IL18R1: variants seen among roughly 807,000 people sequenced by gnomAD.
IL18R1 encodes interleukin 18 receptor 1.
In IL18R1, 40 loss-of-function variants were observed where a neutral mutation model predicts 48.5. That is an observed-to-expected ratio of 0.82 (90% CI 0.64 to 1.07). The LOEUF (loss-of-function observed/expected upper bound fraction) is 1.07. IL18R1 is among the 50% of genes least tolerant of loss of function. The probability of loss-of-function intolerance (pLI) is 0.00; values close to 1 mark genes in which losing one functional copy is unlikely to be tolerated. For missense variants in IL18R1, 596 were observed against 633.7 expected (o/e 0.94, Z 0.64); for synonymous variants, 232 against 225.9 (o/e 1.03, Z -0.24).
chr2:102,394,246 T>C (rs1367086947), intron 9 of IL18R1, among the ~76,000 whole-genome samples: 1 of 152,158 alleles, frequency 6.6e-6, no homozygotes, highest in Non-Finnish European at 1.5e-5. Context: ...TATATCTCTG[T>C]ATTCTTCTGT....
At chr2:102,374,941 A>G (rs1333925724) in intron 4 of IL18R1, among the ~76,000 whole-genome samples, 1 of 152,208 alleles carries the variant, frequency 6.6e-6, no homozygotes, top group African/African-American at 2.4e-5. Context: ...TAGATAATTG[A>G]TTGGAAAGGA....
rs778597504 is a variant in IL18R1, at chr2:102,362,694, G to A, written c.34G>A (p.Val12Met). The change falls in exon 2 of 11, where the codon GTG (valine) becomes ATG (methionine). Residue 12 changes from valine (V) to methionine (M), a missense_variant. By Grantham distance (21) the Val-to-Met change is conservative (BLOSUM62 1). Around this residue, in one of 3 missense-constraint regions of IL18R1, gnomAD observed 360 missense variants for 339.4 expected, o/e 1.06. Transcript: ENST00000233957. ...NCRELPLTLW[V>M]LISVSTAESC... ...TAGAGAATTACCCTTGACCCTTTGGGTGCTTATATCTGTAAGCACTGCAGG... is the reference window on the plus strand; with the variant it reads ...TAGAGAATTACCCTTGACCCTTTGGATGCTTATATCTGTAAGCACTGCAGG... The A allele has an allele frequency of 1.9e-6, 3 of 1,605,148 alleles. No individual in the cohort carries two copies. The highest frequency in any genetic ancestry group is 8.5e-7 in the Non-Finnish European group (1 of 1,175,396).
intron 9 of IL18R1, among the ~76,000 whole-genome samples, chr2:102,392,786 T>G (rs1680621489): frequency 2.0e-5 from 3 of 152,186 alleles, no homozygotes; most frequent in Non-Finnish European, 2.9e-5. Context: ...AAATATCCAC[T>G]TGAATTATAA....
At position 102,396,779 on chromosome 2, in the gene IL18R1, T is replaced by G; in HGVS notation, c.1519T>G (p.Ser507Ala). Reference sequence around the variant, plus strand: ...GAAGTGGAAGGCCGATAAATCTCTTTCTTATAACTCAAGGTTCTGGAAGAA... The same window carrying G: ...GAAGTGGAAGGCCGATAAATCTCTTGCTTATAACTCAAGGTTCTGGAAGAA... ...VLKWKADKSL[S>A]YNSRFWKNLL... The change falls in exon 11 of 11, where the codon TCT (serine) becomes GCT (alanine). Residue 507 changes from serine (S) to alanine (A), a missense_variant. Coordinates refer to ENST00000233957, the MANE Select transcript of IL18R1 (RefSeq NM_003855.5). 1 of 1,614,126 alleles carries G rather than the reference T, an allele frequency of 6.2e-7. No homozygotes were observed. The highest frequency in any genetic ancestry group is 2.2e-5 in the East Asian group (1 of 44,886).
intron 5 of IL18R1, 152 bp downstream of exon 5, chr2:102,376,215 T>C (rs2270297): frequency 0.75 from 377,705 of 502,108 alleles, 145,114 homozygotes; most frequent in African/African-American, 0.89. Flanking sequence ...ATCTTCATTC[T>C]GGTGCTCCTC....
chr2:102,372,628 T>G (rs1679335539), intron 4 of IL18R1, among the ~76,000 whole-genome samples: 1 of 152,176 alleles, frequency 6.6e-6, no homozygotes, highest in South Asian at 2.1e-4. Context: ...CATCTGCTTT[T>G]TAAAAGTGGT....
In IL18R1 at chr2:102,396,668, A is replaced by G; in HGVS notation, c.1408A>G (p.Lys470Glu). ...LHEALVERKI[K>E]IILIEFTPVT... ...TGAAGCATTGGTGGAAAGAAAAATT[A>G]AAATAATCTTAATTGAATTTACACC... is the stretch of plus-strand genomic sequence containing the variant. Residue 470 changes from lysine to glutamate, a missense_variant, in exon 11 of 11, where the codon AAA becomes GAA. By Grantham distance (56) the Lys-to-Glu change is moderately conservative. Coordinates refer to ENST00000233957, the MANE Select transcript of IL18R1 (RefSeq NM_003855.5). 1 of 1,613,592 alleles carries G rather than the reference A, an allele frequency of 6.2e-7. No individual in the cohort carries two copies.
intron 5 of IL18R1, among the ~76,000 whole-genome samples, chr2:102,377,206 A>T (rs1003932137): frequency 6.6e-6 from 1 of 152,246 alleles, no homozygotes; most frequent in Non-Finnish European, 1.5e-5. Flanking sequence ...ACATGTTGCC[A>T]CAGTAACAAA....
chr2:102,368,183 A>C, intron 3 of IL18R1, 115 bp downstream of exon 3: 1 of 1,145,168 alleles, frequency 8.7e-7, no homozygotes, highest in Non-Finnish European at 1.3e-6. Flanking sequence ...TTTCTTTCCT[A>C]CTCTTCCTAT....
intron 1 of IL18R1, among the ~76,000 whole-genome samples, chr2:102,360,176 T>C (rs1458904406): frequency 6.6e-6 from 1 of 152,216 alleles, no homozygotes; most frequent in Non-Finnish European, 1.5e-5. Flanking sequence ...TAGGTGGCAA[T>C]TAGAATGGTT....
intron 5 of IL18R1, among the ~76,000 whole-genome samples, chr2:102,376,893 A>C (rs1367046743): frequency 6.6e-6 from 1 of 152,188 alleles, no homozygotes; most frequent in Admixed American, 6.5e-5. Context: ...CTGATTGTTG[A>C]AGTCTTTTTT....
At position 102,372,063 on chromosome 2, in the gene IL18R1, T is replaced by C; in HGVS notation, c.413T>C (p.Ile138Thr). The C allele has an allele frequency of 1.9e-6, 3 of 1,609,572 alleles. No homozygotes were observed. The highest frequency in any genetic ancestry group is 2.5e-6 in the Non-Finnish European group (3 of 1,178,386). ...KIVEVKKFFQITCENSYYQTL... is the reference protein window; with the variant it reads ...KIVEVKKFFQTTCENSYYQTL... Reference sequence around the variant, plus strand: ...GTGGAAGTTAAAAAATTTTTTCAGATAACCTGTGAAAACAGTTACTATCAA... The same window carrying C: ...GTGGAAGTTAAAAAATTTTTTCAGACAACCTGTGAAAACAGTTACTATCAA... The change falls in exon 4 of 11, where the codon ATA (isoleucine) becomes ACA (threonine). Residue 138 changes from isoleucine (I) to threonine (T), a missense_variant. Physicochemically the swap from Ile to Thr is moderately conservative, Grantham distance 89 (BLOSUM62 -1). Around this residue, in one of 3 missense-constraint regions of IL18R1, gnomAD observed 360 missense variants for 339.4 expected, o/e 1.06. Transcript: ENST00000233957.
intron 2 of IL18R1, 71 bp downstream of exon 2, chr2:102,362,789 T>TTA (rs1678658141): frequency 1.1e-6 from 1 of 919,462 alleles, no homozygotes. Flanking sequence ...TTTTTTTTTT[T>TTA]ATGTGGTGGC....
chr2:102,387,408 G>A (rs568548143), intron 8 of IL18R1, among the ~76,000 whole-genome samples: 1 of 152,356 alleles, frequency 6.6e-6, no homozygotes, highest in African/African-American at 2.4e-5. Context: ...GCCTGCCTCA[G>A]CAGGGTACCA....
At chr2:102,368,362 C>A (rs1458414464) in intron 3 of IL18R1, among the ~76,000 whole-genome samples, 1 of 152,192 alleles carries the variant, frequency 6.6e-6, no homozygotes, top group African/African-American at 2.4e-5. Flanking sequence ...TTCAGCTGCT[C>A]CTGTTGTCTA....
In IL18R1 at chr2:102,390,144, T is replaced by A; in HGVS notation, c.1038T>A (p.Thr346=). ...LILVAVVCLV[T]VCVIYRVDLV... is the part of the protein sequence containing the mutation. Reference sequence around the variant, plus strand: ...TGGTGGCAGTAGTGTGCCTAGTGACTGTGTGTGTCATTTATAGAGTTGACT... The same window carrying A: ...TGGTGGCAGTAGTGTGCCTAGTGACAGTGTGTGTCATTTATAGAGTTGACT... Residue 346 remains threonine (T), a synonymous_variant, in exon 9 of 11, where the codon ACT becomes ACA. Coordinates refer to ENST00000233957, the MANE Select transcript of IL18R1 (RefSeq NM_003855.5). The A allele has an allele frequency of 6.2e-7, 1 of 1,614,066 alleles. No homozygotes were observed. The highest frequency in any genetic ancestry group is 1.1e-5 in the South Asian group (1 of 91,078).
chr2:102,387,446 C>T (rs1680305021), intron 8 of IL18R1, among the ~76,000 whole-genome samples: 2 of 152,204 alleles, frequency 1.3e-5, no homozygotes. Context: ...TGTGCTCATT[C>T]ATTCATTGCC....
At chr2:102,370,240 G>A (rs755022200) in intron 3 of IL18R1, among the ~76,000 whole-genome samples, 41 of 152,344 alleles carry the variant, frequency 2.7e-4, no homozygotes, top group Non-Finnish European at 4.9e-4. Flanking sequence ...CACATGGAGT[G>A]TCATCAGTCC....
In IL18R1 at chr2:102,398,364, G is replaced by A. The variant is rs573116846; in HGVS notation, c.*1478G>A. The stretch of plus-strand genomic sequence containing the variant: ...TGGTTAGAACATGTGGGAGCAACAT[G>A]AATGTTCTACAAAAGTTTAAAGCAG... On this transcript the variant is annotated 3_prime_UTR_variant, in exon 11 of 11. Coordinates refer to ENST00000233957, the MANE Select transcript of IL18R1 (RefSeq NM_003855.5). The A allele has an allele frequency of 5.9e-5, 9 of 152,470 alleles. No homozygotes were observed. Among genetic ancestry groups the A allele is most frequent in the African/African-American group, 2.2e-4 (9 of 41,564 alleles). The allele number at this position is 152,470 out of a possible 1,614,324, so 9.4% of individuals were successfully genotyped here. A position where few individuals can be genotyped will look rare whatever the true frequency, so the allele number is the denominator to read the frequency against.
Sources: gnomAD v4.1 joint callset for allele counts (sites outside exome capture counted in the v4.1 genomes callset) on GRCh38, gnomAD v4.1.1 for gene constraint, gnomAD v4.1.1 regional missense constraint, MANE v1.5 for transcripts, NCBI Gene and HGNC (gene_info 2026-07-23, HGNC 2026-07-21) for gene names.